CSMD1: variants seen among roughly 807,000 people sequenced by gnomAD.
CSMD1 encodes the protein CUB and sushi domain-containing protein 1.
Under a neutral mutation model 417.5 loss-of-function variants are expected in CSMD1, and 213 were observed. The observed-to-expected ratio is 0.51, with a 90% CI of 0.46 to 0.57. CSMD1 has a LOEUF of 0.57. Ranked by LOEUF, CSMD1 falls within the 20% of genes least tolerant of loss-of-function variation. The pLI is 0.00. For missense variants in CSMD1, 6,923 were observed against 4,529.7 expected, an observed-to-expected ratio of 1.53 and a Z score of -15.17; for synonymous variants, 2,862 against 1,736.8, an observed-to-expected ratio of 1.65 and a Z score of -16.11.
chr8:3,760,051 G>C (rs1019818578), intron 5 of CSMD1, among the ~76,000 whole-genome samples: 2 of 152,122 alleles, frequency 1.3e-5, no homozygotes, highest in East Asian at 1.9e-4. Flanking sequence ...ATCAAACGGA[G>C]CTTGCCAGGT....
At chr8:4,626,310 G>T (rs142485683) in intron 2 of CSMD1, among the ~76,000 whole-genome samples, 28 of 152,056 alleles carry the variant, frequency 1.8e-4, no homozygotes, top group African/African-American at 6.7e-4. Context: ...GCGGGGGGCT[G>T]TGCCTTGAAG....
At chr8:3,335,655 G>C (rs886704229) in intron 23 of CSMD1, among the ~76,000 whole-genome samples, 7 of 152,186 alleles carry the variant, frequency 4.6e-5, no homozygotes, top group African/African-American at 1.7e-4. Context: ...CAGCCTGGGT[G>C]ACAGAGTGAG....
At chr8:4,638,151 A>G (rs560367125) in intron 1 of CSMD1, among the ~76,000 whole-genome samples, 1 of 152,216 alleles carries the variant, frequency 6.6e-6, no homozygotes, top group Non-Finnish European at 1.5e-5. Flanking sequence ...AGCCTCATCA[A>G]TATCAAATTT....
intron 2 of CSMD1, among the ~76,000 whole-genome samples, chr8:4,507,176 A>G (rs947345882): frequency 6.6e-6 from 1 of 152,228 alleles, no homozygotes; most frequent in South Asian, 2.1e-4. Flanking sequence ...ACTGAAAAAA[A>G]GTATTGCCAT....
intron 5 of CSMD1, among the ~76,000 whole-genome samples, chr8:3,955,910 C>G (rs566636028): frequency 1.7e-4 from 26 of 152,312 alleles, no homozygotes; most frequent in African/African-American, 5.5e-4. Flanking sequence ...ACCTTTGCCT[C>G]CCGGGTTAAA....
chr8:4,133,385 C>T (rs1276057249), intron 3 of CSMD1, among the ~76,000 whole-genome samples: 1 of 152,168 alleles, frequency 6.6e-6, no homozygotes, highest in African/African-American at 2.4e-5. Context: ...CACTTTATAA[C>T]ATATATACCT....
At chr8:4,424,161 T>A (rs927634866) in intron 2 of CSMD1, among the ~76,000 whole-genome samples, 3 of 151,902 alleles carry the variant, frequency 2.0e-5, no homozygotes, top group Non-Finnish European at 4.4e-5. Flanking sequence ...GACACCAAAA[T>A]TACAAACCAG....
At chr8:4,502,632 G>T (rs1007584126) in intron 2 of CSMD1, among the ~76,000 whole-genome samples, 1 of 152,080 alleles carries the variant, frequency 6.6e-6, no homozygotes, top group Admixed American at 6.6e-5. Context: ...CTGAAATCTC[G>T]CATTTACTTT....
intron 1 of CSMD1, among the ~76,000 whole-genome samples, chr8:4,854,136 G>A (rs1585215371): frequency 6.6e-6 from 1 of 152,194 alleles, no homozygotes; most frequent in Non-Finnish European, 1.5e-5. Context: ...AGTGAGTTAA[G>A]ATTTTGGGGG....
chr8:4,250,764 A>G (rs569220535), intron 3 of CSMD1, among the ~76,000 whole-genome samples: 6 of 152,314 alleles, frequency 3.9e-5, no homozygotes, highest in African/African-American at 1.4e-4. Flanking sequence ...ATATGTATAA[A>G]TATGCCAGTA....
At chr8:3,330,102 C>T (rs1360399152) in intron 23 of CSMD1, among the ~76,000 whole-genome samples, 1 of 152,126 alleles carries the variant, frequency 6.6e-6, no homozygotes, top group East Asian at 1.9e-4. Flanking sequence ...CAGGTCAAAG[C>T]AGGGTAGTGG....
chr8:4,649,920 C>T (rs1445779501), intron 1 of CSMD1, among the ~76,000 whole-genome samples: 1 of 152,156 alleles, frequency 6.6e-6, no homozygotes, highest in Non-Finnish European at 1.5e-5. Context: ...TGTGTTGATG[C>T]ACAGGTTGTG....
chr8:3,562,620 T>C (rs1440273899), intron 10 of CSMD1, among the ~76,000 whole-genome samples: 2 of 152,170 alleles, frequency 1.3e-5, no homozygotes. Flanking sequence ...CTAGAAATTT[T>C]TCTGAAGGCA....
chr8:3,341,494 C>T (rs1549311), intron 23 of CSMD1, among the ~76,000 whole-genome samples: 72,423 of 151,864 alleles, frequency 0.48, 17,610 homozygotes, highest in Middle Eastern at 0.56. Context: ...GGGTTGGAAA[C>T]GTAATGAGAA....
intron 3 of CSMD1, among the ~76,000 whole-genome samples, chr8:4,175,621 A>G (rs918857204): frequency 6.6e-6 from 1 of 152,162 alleles, no homozygotes; most frequent in Non-Finnish European, 1.5e-5. Flanking sequence ...TTATCACAGC[A>G]TAATTTGTGA....
chr8:3,230,729 T>C (rs1046549194), intron 26 of CSMD1, among the ~76,000 whole-genome samples: 5 of 152,180 alleles, frequency 3.3e-5, no homozygotes, highest in South Asian at 2.1e-4. Flanking sequence ...CAGTGAGTTA[T>C]ACCCAGGATC....
Position 4,857,944 on chromosome 8 carries a change from A to T in CSMD1, c.85+136388T>A, listed in dbSNP as rs936039070. On this transcript the variant is annotated intron_variant, in intron 1 of 69. Coordinates refer to ENST00000635120, the MANE Select transcript of CSMD1 (RefSeq NM_033225.6). ...CCAGCATCATTCTGATACCAAAGCC[A>T]GGCAGAGACACAACCAAAAAAGAGA... Among the ~76,000 whole-genome samples, 8 of 151,928 alleles carry T rather than the reference A, an allele frequency of 5.3e-5. 1 individual carries two copies. The South Asian group carries it at 1.0e-3, about 20-fold the overall frequency.
chr8:4,516,303 C>G (rs968017165), intron 2 of CSMD1, among the ~76,000 whole-genome samples: 6 of 152,160 alleles, frequency 3.9e-5, no homozygotes, highest in African/African-American at 1.2e-4. Context: ...ACACCGTGAT[C>G]TTGGACTTCT....
chr8:3,634,558 C>G (rs1194679564), intron 7 of CSMD1, among the ~76,000 whole-genome samples: 2 of 152,192 alleles, frequency 1.3e-5, no homozygotes, highest in Non-Finnish European at 2.9e-5. Context: ...TAAACTGTCT[C>G]TTTTCACTGT....
Sources: allele counts gnomAD v4.1 joint callset (sites outside exome capture counted in the v4.1 genomes callset), GRCh38; gene constraint gnomAD v4.1.1; transcripts MANE v1.5; gene names NCBI Gene and HGNC (gene_info 2026-07-23, HGNC 2026-07-21).